Variants in PARP8 observed in about 807,000 individuals in gnomAD.
PARP8 encodes protein mono-ADP-ribosyltransferase PARP8.
Under a neutral mutation model 124.1 loss-of-function variants are expected in PARP8, and 51 were observed. That is an observed-to-expected ratio of 0.41 (90% confidence interval 0.33 to 0.52). The LOEUF is 0.52. Among genes scored for constraint, PARP8 ranks in the 20% least tolerant of loss-of-function variants. The pLI is 0.21. For missense variants in PARP8, 860 were observed against 1,018.9 expected (o/e 0.84, Z 2.12); for synonymous variants, 391 against 361.5 (o/e 1.08, Z -0.93).
intron 2 of PARP8, among the ~76,000 whole-genome samples, chr5:50,719,394 C>T (rs1194466664): frequency 3.9e-5 from 6 of 152,120 alleles, no homozygotes; most frequent in South Asian, 4.1e-4. Context: ...CTTAAGAAAT[C>T]TTTGCCCAGA....
intron 2 of PARP8, among the ~76,000 whole-genome samples, chr5:50,711,440 T>G (rs1471014876): frequency 6.6e-6 from 1 of 152,140 alleles, no homozygotes; most frequent in East Asian, 1.9e-4. Context: ...AACTTCTCTC[T>G]GGCCTCTGAA....
chr5:50,719,567 A>G (rs1755667270), intron 2 of PARP8, among the ~76,000 whole-genome samples: 2 of 152,060 alleles, frequency 1.3e-5, no homozygotes, highest in African/African-American at 4.8e-5. Flanking sequence ...TCTCAGCAAC[A>G]TTTATTGAAG....
chr5:50,719,970 A>G (rs1293843424), intron 2 of PARP8, among the ~76,000 whole-genome samples: 1 of 152,018 alleles, frequency 6.6e-6, no homozygotes, highest in Non-Finnish European at 1.5e-5. Flanking sequence ...CTTGTCAGGT[A>G]TAATTGTTAT....
chr5:50,802,644 A>G lies in PARP8; in HGVS notation c.1575+5411A>G, dbSNP rs140602358. Among the ~76,000 whole-genome samples the G allele has an allele frequency of 7.4e-4, 113 of 152,164 alleles. 3 individuals carry two copies. The highest frequency in any genetic ancestry group is 2.5e-3 in the African/African-American group (104 of 41,498). On this transcript the variant is annotated intron_variant, in intron 14 of 25. Coordinates refer to ENST00000281631, the MANE Select transcript of PARP8 (RefSeq NM_024615.4). ...AATAATATATAAAAACTTTGCTCCT[A>G]CATAGTTTCAACTCCACTCCCAGAG...
intron 2 of PARP8, among the ~76,000 whole-genome samples, chr5:50,722,391 C>G (rs1580096851): frequency 1.3e-5 from 2 of 152,004 alleles, no homozygotes; most frequent in Non-Finnish European, 2.9e-5. Flanking sequence ...TGTTCCATTT[C>G]CCAGCTTCCC....
chr5:50,726,794 T>TGACAGATGTCAA (rs1756472878), intron 2 of PARP8, among the ~76,000 whole-genome samples: 1 of 152,148 alleles, frequency 6.6e-6, no homozygotes, highest in Non-Finnish European at 1.5e-5. Context: ...ATCTCTGTCC[T>TGACAGATGTCAA]CATGCTACAG....
Position 50,759,632 on chromosome 5 carries a change from T to C in PARP8, c.185-11T>C. ...TATGCCTTTCATTATCTTTTTTTTT[T>C]TTTTTTGCAGATAATACATATGTGT... On this transcript the variant is annotated splice_polypyrimidine_tract_variant and intron_variant, in intron 3 of 25. Transcript: ENST00000281631. 1 of 1,501,404 alleles carries C rather than the reference T, an allele frequency of 6.7e-7. No individual in the cohort carries two copies. The highest frequency in any genetic ancestry group is 8.8e-7 in the Non-Finnish European group (1 of 1,133,744). The allele number at this position is 1,501,404 out of a possible 1,614,324, so 93.0% of individuals were successfully genotyped here.
chr5:50,739,158 T>C (rs1757769028), intron 2 of PARP8: 1 of 688,376 alleles, frequency 1.5e-6, no homozygotes, highest in East Asian at 2.7e-5. Flanking sequence ...GGCCAAAGTG[T>C]AGGACACAGG....
At chr5:50,744,365 C>G (rs1379879557) in intron 2 of PARP8, among the ~76,000 whole-genome samples, 1 of 151,900 alleles carries the variant, frequency 6.6e-6, no homozygotes, top group East Asian at 1.9e-4. Flanking sequence ...TTAAATGGTT[C>G]CAGTTATAGG....
chr5:50,788,483 T>G, intron 9 of PARP8, 40 bp from the exon 10 acceptor site: 3 of 1,582,414 alleles, frequency 1.9e-6, no homozygotes, highest in Non-Finnish European at 2.6e-6. Context: ...GAGTTTCAGT[T>G]TCAAGTCAAT....
chr5:50,771,095 C>T (rs1206411199), intron 7 of PARP8, among the ~76,000 whole-genome samples: 1 of 148,162 alleles, frequency 6.7e-6, no homozygotes, highest in East Asian at 1.9e-4. Context: ...GAAATGTGCT[C>T]TCTCTCTCTA....
At chr5:50,752,338 T>G (rs1759349795) in intron 3 of PARP8, among the ~76,000 whole-genome samples, 1 of 152,080 alleles carries the variant, frequency 6.6e-6, no homozygotes, top group African/African-American at 2.4e-5. Flanking sequence ...TTGCTAGAAC[T>G]TGCAAACAAA....
intron 3 of PARP8, among the ~76,000 whole-genome samples, chr5:50,750,642 T>G (rs71615983): frequency 0.11 from 16,766 of 152,160 alleles, 1,357 homozygotes; most frequent in African/African-American, 0.23. Context: ...AATGTAAAAC[T>G]TACTTGTTTA....
chr5:50,818,178 C>A (rs866923328), intron 15 of PARP8, among the ~76,000 whole-genome samples: 8 of 114,902 alleles, frequency 7.0e-5, no homozygotes, highest in African/African-American at 1.7e-4. Context: ...ATCATTTAGC[C>A]CCCCCCCCCC....
intron 7 of PARP8, among the ~76,000 whole-genome samples, chr5:50,767,292 A>G (rs1214251366): frequency 6.6e-6 from 1 of 152,214 alleles, no homozygotes; most frequent in Non-Finnish European, 1.5e-5. Context: ...CATTCATCAA[A>G]AAAAGATCTT....
At chr5:50,689,910 G>A (rs1579965685) in intron 2 of PARP8, among the ~76,000 whole-genome samples, 1 of 152,282 alleles carries the variant, frequency 6.6e-6, no homozygotes, top group Non-Finnish European at 1.5e-5. Context: ...GCTGGGACTG[G>A]CATTTTTGGG....
chr5:50,727,726 A>G (rs77914927), intron 2 of PARP8, among the ~76,000 whole-genome samples: 250 of 152,216 alleles, frequency 1.6e-3, no homozygotes, highest in African/African-American at 5.6e-3. Context: ...GGTATATTCA[A>G]ATTCCGCAAT....
intron 3 of PARP8, among the ~76,000 whole-genome samples, chr5:50,756,765 C>G (rs185400890): frequency 1.9e-4 from 29 of 152,210 alleles, no homozygotes; most frequent in African/African-American, 6.3e-4. Context: ...TACATTAGGT[C>G]CCAGAACGTG....
intron 2 of PARP8, among the ~76,000 whole-genome samples, chr5:50,698,873 G>A (rs1225284910): frequency 6.6e-6 from 1 of 152,180 alleles, no homozygotes; most frequent in Non-Finnish European, 1.5e-5. Context: ...AGCTAAAAAT[G>A]TACCAAATAA....
Sources: allele counts gnomAD v4.1 joint callset (sites outside exome capture counted in the v4.1 genomes callset), GRCh38; gene constraint gnomAD v4.1.1; transcripts MANE v1.5; gene names NCBI Gene and HGNC (gene_info 2026-07-23, HGNC 2026-07-21).